Variants in CPQ observed in about 807,000 individuals in gnomAD.
CPQ encodes carboxypeptidase Q, also known as Ser-Met dipeptidase.
CPQ carries 37 observed loss-of-function variants against 45.7 expected under a neutral mutation model. That is an observed-to-expected ratio of 0.81 (90% CI 0.62 to 1.07). CPQ has a LOEUF of 1.07. Ranked by LOEUF, CPQ falls within the 50% of genes least tolerant of loss-of-function variation. CPQ has a pLI of 0.00. For missense variants in CPQ, 537 were observed against 572.9 expected, an observed-to-expected ratio of 0.94 and a Z score of 0.64; for synonymous variants, 186 against 205.8, an observed-to-expected ratio of 0.90 and a Z score of 0.82.
At chr8:97,115,336 T>C (rs1191434619) in intron 7 of CPQ, among the ~76,000 whole-genome samples, 1 of 152,228 alleles carries the variant, frequency 6.6e-6, no homozygotes, top group African/African-American at 2.4e-5. Context: ...AGTGTGAGCC[T>C]GCTGAAAACT....
Position 96,832,162 on chromosome 8 carries a change from T to G in CPQ, c.434-2811T>G, listed in dbSNP as rs543929123. Among the ~76,000 whole-genome samples the G allele has an allele frequency of 1.3e-3, 205 of 152,312 alleles. 2 individuals are homozygous for G. The highest frequency in any genetic ancestry group is 9.9e-3 in the Admixed American group (151 of 15,292). On this transcript the variant is annotated intron_variant, in intron 2 of 7. Coordinates refer to ENST00000220763, the MANE Select transcript of CPQ (RefSeq NM_016134.4). ...TTTAAATGCCAGATGTAGAATTTTG[T>G]GTAAAGTAAGGGTAACCAGGCTCTA...
At chr8:97,132,437 A>T (rs1811973185) in intron 7 of CPQ, among the ~76,000 whole-genome samples, 1 of 152,170 alleles carries the variant, frequency 6.6e-6, no homozygotes, top group African/African-American at 2.4e-5. Context: ...AATACTTCCC[A>T]CTTTTCTAAT....
intron 1 of CPQ, among the ~76,000 whole-genome samples, chr8:96,746,556 T>C (rs1176582479): frequency 6.6e-6 from 1 of 152,222 alleles, no homozygotes; most frequent in African/African-American, 2.4e-5. Flanking sequence ...TTACTGCTAA[T>C]CCATCAAGTA....
intron 6 of CPQ, among the ~76,000 whole-genome samples, chr8:97,053,727 C>G (rs1810403357): frequency 6.6e-6 from 1 of 152,174 alleles, no homozygotes; most frequent in South Asian, 2.1e-4. Context: ...TGATCTGAAT[C>G]AACTTTCTAA....
chr8:97,099,984 G>A (rs1208215235), intron 7 of CPQ, among the ~76,000 whole-genome samples: 4 of 152,072 alleles, frequency 2.6e-5, no homozygotes, highest in Admixed American at 1.3e-4. Flanking sequence ...TAACACCAAG[G>A]CAACCACATT....
intron 7 of CPQ, among the ~76,000 whole-genome samples, chr8:97,116,557 G>C (rs1465258493): frequency 6.6e-6 from 1 of 152,112 alleles, no homozygotes; most frequent in Non-Finnish European, 1.5e-5. Context: ...GGTTCTTAAG[G>C]CTGCTTAGTA....
chr8:97,083,368 T>A (rs1810987325), intron 7 of CPQ, among the ~76,000 whole-genome samples: 1 of 152,182 alleles, frequency 6.6e-6, no homozygotes, highest in South Asian at 2.1e-4. Flanking sequence ...GCACAAGTAC[T>A]ATTGGTACTC....
At chr8:97,128,445 G>A (rs993837591) in intron 7 of CPQ, among the ~76,000 whole-genome samples, 6 of 152,168 alleles carry the variant, frequency 3.9e-5, no homozygotes, top group East Asian at 1.9e-4. Context: ...AGCACTTTGG[G>A]AGGCCAAGGC....
At chr8:96,941,491 T>C (rs1813122729) in intron 4 of CPQ, among the ~76,000 whole-genome samples, 1 of 152,148 alleles carries the variant, frequency 6.6e-6, no homozygotes, top group Admixed American at 6.6e-5. Context: ...AAGAGTTCTT[T>C]CTTTGTAGGC....
intron 2 of CPQ, among the ~76,000 whole-genome samples, chr8:96,815,000 A>C (rs1184088707): frequency 1.3e-5 from 2 of 152,066 alleles, no homozygotes; most frequent in Non-Finnish European, 2.9e-5. Context: ...GGGTTTGGCA[A>C]CCCCACTTTG....
At chr8:96,725,441 T>C (rs1244099627) in intron 1 of CPQ, among the ~76,000 whole-genome samples, 1 of 152,132 alleles carries the variant, frequency 6.6e-6, no homozygotes, top group African/African-American at 2.4e-5. Context: ...CAGACACTTA[T>C]CAAAAGAAGA....
At chr8:97,058,453 T>C (rs1258254655) in intron 6 of CPQ, among the ~76,000 whole-genome samples, 1 of 152,060 alleles carries the variant, frequency 6.6e-6, no homozygotes, top group Admixed American at 6.6e-5. Flanking sequence ...AAACACATCT[T>C]TATGTGTTGG....
rs1810755374 is a variant in CPQ at position 96,785,407 on chromosome 8, G to C, written c.433+77G>C. 11 of 1,137,404 alleles carry C rather than the reference G, an allele frequency of 9.7e-6. No individual in the cohort carries two copies. The South Asian group carries it at 1.7e-4, about 17-fold the overall frequency. The allele number at this position is 1,137,404 out of a possible 1,614,324, so 70.5% of individuals were successfully genotyped here. A position where few individuals can be genotyped will look rare whatever the true frequency, so the allele number is the denominator to read the frequency against. On this transcript the variant is annotated intron_variant, in intron 2 of 7. Transcript: ENST00000220763. ...TGGTGTAATTGAGTACAATATGCATGATTCATATTATAATTTGGATAATTT... is the reference window on the plus strand; with the variant it reads ...TGGTGTAATTGAGTACAATATGCATCATTCATATTATAATTTGGATAATTT...
At chr8:96,698,691 T>C (rs879827125) in intron 1 of CPQ, among the ~76,000 whole-genome samples, 1 of 151,900 alleles carries the variant, frequency 6.6e-6, no homozygotes, top group Non-Finnish European at 1.5e-5. Flanking sequence ...AAAAGATGAA[T>C]AGATATTTCT....
At chr8:96,973,016 T>A (rs902035159) in intron 5 of CPQ, among the ~76,000 whole-genome samples, 1 of 152,058 alleles carries the variant, frequency 6.6e-6, no homozygotes. Flanking sequence ...TCACCAGCAA[T>A]GGATCCAAAC....
At chr8:97,016,015 C>T (rs1043444951) in intron 5 of CPQ, among the ~76,000 whole-genome samples, 2 of 151,392 alleles carry the variant, frequency 1.3e-5, no homozygotes, top group Non-Finnish European at 2.9e-5. Flanking sequence ...TTTTGTTTCT[C>T]TCAATTTTAA....
chr8:97,137,821 G>A lies in CPQ; in HGVS notation c.1256-5199G>A, dbSNP rs548602916. On this transcript the variant is annotated intron_variant, in intron 7 of 7. Coordinates refer to ENST00000220763, the MANE Select transcript of CPQ (RefSeq NM_016134.4). Reference sequence around the variant, plus strand: ...GCAGGCGCCTGTAGTCCCGGGAGGCGGAGCTTGCAGTGAGCCAAGTTCACG... The same window carrying A: ...GCAGGCGCCTGTAGTCCCGGGAGGCAGAGCTTGCAGTGAGCCAAGTTCACG... 1.8e-4 allele frequency among the ~76,000 whole-genome samples: 27 copies of A among 152,118 alleles called. No individual in the cohort carries two copies. In the East Asian group the frequency reaches 3.7e-3, roughly 21 times the overall value.
At chr8:96,863,948 C>T (rs1350022286) in intron 3 of CPQ, among the ~76,000 whole-genome samples, 1 of 152,040 alleles carries the variant, frequency 6.6e-6, no homozygotes. Context: ...AAATTACTAA[C>T]AAATTAGATC....
intron 1 of CPQ, among the ~76,000 whole-genome samples, chr8:96,714,699 G>T (rs963528093): frequency 2.2e-4 from 33 of 152,146 alleles, no homozygotes; most frequent in African/African-American, 7.5e-4. Context: ...CCTTTTGGGG[G>T]TTGTTATAGA....
Sources: gnomAD v4.1 joint callset for allele counts (sites outside exome capture counted in the v4.1 genomes callset) on GRCh38, gnomAD v4.1.1 for gene constraint, MANE v1.5 for transcripts, NCBI Gene and HGNC (gene_info 2026-07-23, HGNC 2026-07-21) for gene names.